Variants in DIS3L2 observed in about 807,000 individuals in gnomAD.
DIS3L2 encodes DIS3-like exonuclease 2.
In DIS3L2, 34 loss-of-function variants were observed where a neutral mutation model predicts 97.5. The observed-to-expected ratio is 0.35, with a 90% CI of 0.27 to 0.46. The LOEUF is 0.46. Ranked by LOEUF, DIS3L2 falls within the 20% of genes least tolerant of loss-of-function variation. The pLI, the probability that DIS3L2 is intolerant of heterozygous loss-of-function variation, is 1.00. For missense variants in DIS3L2, 1,038 were observed against 1,146.0 expected, an observed-to-expected ratio of 0.91 and a Z score of 1.36; for synonymous variants, 435 against 445.2, an observed-to-expected ratio of 0.98 and a Z score of 0.29.
At chr2:231,988,276 A>T (rs1471916477) in intron 1 of DIS3L2, among the ~76,000 whole-genome samples, 1 of 152,238 alleles carries the variant, frequency 6.6e-6, no homozygotes, top group East Asian at 1.9e-4. Context: ...AAACCCTAGA[A>T]TCACTATCTT....
intron 9 of DIS3L2, among the ~76,000 whole-genome samples, chr2:232,197,359 T>G: frequency 6.6e-6 from 1 of 152,230 alleles, no homozygotes; most frequent in Non-Finnish European, 1.5e-5. Context: ...CGTAGTATAT[T>G]TAAGTGAAAA....
intron 9 of DIS3L2, among the ~76,000 whole-genome samples, chr2:232,183,543 T>TG (rs1691349928): frequency 6.6e-6 from 1 of 152,212 alleles, no homozygotes; most frequent in Non-Finnish European, 1.5e-5. Flanking sequence ...AAGTCTTTCT[T>TG]GGGCATGTGC....
At position 232,005,958 on chromosome 2, in the gene DIS3L2, C is replaced by T. The variant is rs111884786; in HGVS notation, c.-93-8877C>T. ...ATCCCAGCACTTTGAGGGGCTGAGGCGGGTGGATCACCTGAGGTCAGGAGT... is the reference window on the plus strand; with the variant it reads ...ATCCCAGCACTTTGAGGGGCTGAGGTGGGTGGATCACCTGAGGTCAGGAGT... On this transcript the variant is annotated intron_variant, in intron 1 of 20. Transcript: ENST00000325385. Among the ~76,000 whole-genome samples the T allele has an allele frequency of 4.3e-3, 653 of 152,266 alleles. 5 individuals carry two copies. Among genetic ancestry groups the T allele is most frequent in the African/African-American group, 0.014 (591 of 41,556 alleles).
chr2:232,252,948 A>G (rs751338051), intron 12 of DIS3L2, among the ~76,000 whole-genome samples: 3 of 152,032 alleles, frequency 2.0e-5, no homozygotes, highest in Admixed American at 6.5e-5. Context: ...GAAAAAAAAT[A>G]AAAAACAGAC....
At chr2:232,232,010 G>A (rs1418393393) in intron 10 of DIS3L2, among the ~76,000 whole-genome samples, 1 of 152,232 alleles carries the variant, frequency 6.6e-6, no homozygotes, top group East Asian at 1.9e-4. Flanking sequence ...GCCAGGAAGA[G>A]GAATAGAGAG....
intron 9 of DIS3L2, among the ~76,000 whole-genome samples, chr2:232,165,207 G>A (rs1690768875): frequency 2.6e-5 from 4 of 152,124 alleles, no homozygotes. Context: ...AGCATTCCTT[G>A]CAGCTCTGCA....
chr2:232,100,000 T>C (rs1223713967), intron 6 of DIS3L2, among the ~76,000 whole-genome samples: 1 of 152,074 alleles, frequency 6.6e-6, no homozygotes, highest in Non-Finnish European at 1.5e-5. Context: ...TTATTAATCT[T>C]TTCAAAGAAC....
chr2:232,072,783 GGTGTGTGT>G (rs56884799), intron 5 of DIS3L2, among the ~76,000 whole-genome samples: 36 of 139,904 alleles, frequency 2.6e-4, no homozygotes, highest in Admixed American at 7.2e-4. Context: ...TGGGATGTGG[GGTGTGTGT>G]GTGTGTGTGT....
chr2:232,017,286 A>T (rs1265174056), intron 3 of DIS3L2, among the ~76,000 whole-genome samples: 1 of 152,042 alleles, frequency 6.6e-6, no homozygotes, highest in Non-Finnish European at 1.5e-5. Flanking sequence ...TTTAGTAGAG[A>T]TGGGGTTTCA....
chr2:231,983,025 T>A (rs1693306288), intron 1 of DIS3L2, among the ~76,000 whole-genome samples: 2 of 152,196 alleles, frequency 1.3e-5, no homozygotes, highest in African/African-American at 4.8e-5. Context: ...TTTTGAAAAC[T>A]AGATTGAAAG....
At chr2:232,309,625 C>T (rs1575009664) in intron 14 of DIS3L2, among the ~76,000 whole-genome samples, 5 of 151,878 alleles carry the variant, frequency 3.3e-5, no homozygotes, top group Non-Finnish European at 5.9e-5. Flanking sequence ...ATTACAGGCC[C>T]GCACAATGGC....
chr2:232,235,258 A>G (rs1338424293), intron 10 of DIS3L2, among the ~76,000 whole-genome samples: 1 of 152,260 alleles, frequency 6.6e-6, no homozygotes, highest in Admixed American at 6.5e-5. Flanking sequence ...ATGCTTTCAT[A>G]TGAAAGCCAG....
At chr2:232,046,654 C>T (rs1268541892) in intron 5 of DIS3L2, among the ~76,000 whole-genome samples, 2 of 152,154 alleles carry the variant, frequency 1.3e-5, no homozygotes, top group African/African-American at 2.4e-5. Context: ...CCCCCTTCTC[C>T]AGTTAGGTCT....
At chr2:232,288,668 A>C (rs947577572) in intron 13 of DIS3L2, among the ~76,000 whole-genome samples, 1 of 152,208 alleles carries the variant, frequency 6.6e-6, no homozygotes, top group African/African-American at 2.4e-5. Context: ...TTTTTTCAAG[A>C]ATACAGCCAG....
chr2:232,143,100 C>A (rs1690114853), intron 8 of DIS3L2, among the ~76,000 whole-genome samples: 1 of 152,098 alleles, frequency 6.6e-6, no homozygotes, highest in Non-Finnish European at 1.5e-5. Context: ...GAACACTAAT[C>A]TTGACTATTT....
intron 6 of DIS3L2, among the ~76,000 whole-genome samples, chr2:232,102,908 CCA>C (rs1395294821): frequency 6.6e-6 from 1 of 152,032 alleles, no homozygotes; most frequent in Admixed American, 6.6e-5. Context: ...TTTTATTCGG[CCA>C]GTCACAATTT....
chr2:232,099,341 A>G (rs1697126884), intron 6 of DIS3L2, among the ~76,000 whole-genome samples: 1 of 151,540 alleles, frequency 6.6e-6, no homozygotes, highest in South Asian at 2.1e-4. Context: ...TCAGCCTCCC[A>G]AGTAGCTGGG....
intron 20 of DIS3L2, 186 bp downstream of exon 20, chr2:232,336,060 C>A: frequency 4.6e-6 from 7 of 1,532,826 alleles, no homozygotes; most frequent in Non-Finnish European, 5.3e-6. Context: ...CTGGCACCAC[C>A]TTCCCTTCCT....
chr2:232,341,480 CAA>C (rs907777586), downstream of DIS3L2, among the ~76,000 whole-genome samples: 4 of 150,608 alleles, frequency 2.7e-5, no homozygotes, highest in Non-Finnish European at 5.9e-5. Context: ...GCAGTGCAAG[CAA>C]GAAGAGGTAG....
Sources: gnomAD v4.1 joint callset for allele counts (sites outside exome capture counted in the v4.1 genomes callset) on GRCh38, gnomAD v4.1.1 for gene constraint, MANE v1.5 for transcripts, NCBI Gene and HGNC (gene_info 2026-07-23, HGNC 2026-07-21) for gene names.